RAPGEF6: variants seen among roughly 807,000 people sequenced by gnomAD.
RAPGEF6 encodes the protein PDZ domain containing guanine nucleotide exchange factor (GEF) 2.
In RAPGEF6, 56 loss-of-function variants were observed where a neutral mutation model predicts 171.4. That is an observed-to-expected ratio of 0.33 (90% confidence interval 0.26 to 0.41). RAPGEF6 has a LOEUF of 0.41. Ranked by LOEUF, RAPGEF6 falls within the 10% of genes least tolerant of loss-of-function variation. The pLI is 1.00. For missense variants in RAPGEF6, 1,674 were observed against 1,921.4 expected (o/e 0.87, Z 2.41); for synonymous variants, 692 against 650.1 (o/e 1.06, Z -0.98).
intron 15 of RAPGEF6, among the ~76,000 whole-genome samples, chr5:131,488,532 GCTTA>G (rs1445729199): frequency 1.3e-5 from 2 of 151,900 alleles, no homozygotes; most frequent in African/African-American, 2.4e-5. Context: ...AATTCTGAAG[GCTTA>G]CTTACTTATT....
intron 1 of RAPGEF6, among the ~76,000 whole-genome samples, chr5:131,622,402 A>G (rs541478512): frequency 3.0e-4 from 45 of 152,354 alleles, no homozygotes; most frequent in African/African-American, 1.0e-3. Flanking sequence ...TGTGAACTCT[A>G]TAACACTGTG....
chr5:131,524,017 T>C (rs984661835), intron 6 of RAPGEF6, among the ~76,000 whole-genome samples: 4 of 151,920 alleles, frequency 2.6e-5, no homozygotes, highest in African/African-American at 4.8e-5. Flanking sequence ...TTGAGTGATA[T>C]CTCCAAGAGC....
At position 131,446,785 on chromosome 5, in the gene RAPGEF6, C is replaced by T. The variant is rs948918976; in HGVS notation, c.3201-82G>A. The T allele has an allele frequency of 1.2e-5, 15 of 1,263,684 alleles. No homozygotes were observed. The African/African-American group carries it at 2.1e-4, about 18-fold the overall frequency. 78.3% of individuals were successfully genotyped at this position (1,263,684 alleles called of 1,614,324 possible). On this transcript the variant is annotated intron_variant, in intron 21 of 27. Transcript: ENST00000509018. ...AGATTGAAGATTAAAAGATTTTGTTCTGTTAATGCTATTGCATGCTGATGT... is the reference window on the plus strand; with the variant it reads ...AGATTGAAGATTAAAAGATTTTGTTTTGTTAATGCTATTGCATGCTGATGT...
intron 6 of RAPGEF6, 65 bp downstream of exon 6, chr5:131,547,982 G>A: frequency 6.5e-7 from 1 of 1,533,986 alleles, no homozygotes; most frequent in Non-Finnish European, 8.9e-7. Flanking sequence ...AAAGATACAT[G>A]TAAATTAAAG....
At chr5:131,630,261 G>A (rs1328230490) in intron 1 of RAPGEF6, among the ~76,000 whole-genome samples, 3 of 152,214 alleles carry the variant, frequency 2.0e-5, no homozygotes, top group Non-Finnish European at 2.9e-5. Context: ...AGGCTCAGAT[G>A]ACTGGTTAGT....
intron 4 of RAPGEF6, among the ~76,000 whole-genome samples, chr5:131,585,275 G>GA (rs5871429): frequency 0.72 from 101,992 of 141,458 alleles, 36,618 homozygotes; most frequent in Non-Finnish European, 0.77. Context: ...TAGAAAATAA[G>GA]AAAAAAAAAA....
At chr5:131,466,585 G>T (rs1286888116) in intron 17 of RAPGEF6, among the ~76,000 whole-genome samples, 1 of 152,128 alleles carries the variant, frequency 6.6e-6, no homozygotes, top group East Asian at 1.9e-4. Context: ...TAGTGAACAA[G>T]TCTCACGAGA....
chr5:131,509,469 G>C (rs974641168), intron 8 of RAPGEF6, among the ~76,000 whole-genome samples: 11 of 152,062 alleles, frequency 7.2e-5, no homozygotes, highest in Non-Finnish European at 1.0e-4. Flanking sequence ...CGTGAACCCG[G>C]GAGGCGGAGC....
At chr5:131,539,012 A>G (rs934955560) in intron 6 of RAPGEF6, among the ~76,000 whole-genome samples, 2 of 152,226 alleles carry the variant, frequency 1.3e-5, no homozygotes, top group Admixed American at 6.5e-5. Context: ...AGGTAGAAAG[A>G]ATCACAAAGA....
At chr5:131,455,399 C>A (rs939944183) in intron 20 of RAPGEF6, among the ~76,000 whole-genome samples, 2 of 152,170 alleles carry the variant, frequency 1.3e-5, no homozygotes, top group Non-Finnish European at 2.9e-5. Context: ...GCTGGAACTA[C>A]AGGCGGCCGC....
chr5:131,572,805 G>A (rs1204164034), intron 4 of RAPGEF6, among the ~76,000 whole-genome samples: 4 of 152,070 alleles, frequency 2.6e-5, no homozygotes. Context: ...ACTAACACCT[G>A]ACCTAAAACC....
chr5:131,572,865 G>C (rs1251120423), intron 4 of RAPGEF6, among the ~76,000 whole-genome samples: 1 of 151,962 alleles, frequency 6.6e-6, no homozygotes, highest in Non-Finnish European at 1.5e-5. Flanking sequence ...ATACAAACTC[G>C]ACAATAGTTC....
rs35691525 is a variant in RAPGEF6 at position 131,561,660 on chromosome 5, C to CA, written c.351+317dup. ...GGGCACCAAGAATGAAACTCTGTCT[C>CA]AAAAAAAAAAAAAAAAAAAAAAATC... On this transcript the variant is annotated intron_variant, in intron 5 of 27. Coordinates refer to ENST00000509018, the MANE Select transcript of RAPGEF6 (RefSeq NM_016340.6). Among the ~76,000 whole-genome samples, 806 of 90,682 alleles carry CA rather than the reference C, an allele frequency of 8.9e-3. 9 individuals are homozygous for CA. The highest frequency in any genetic ancestry group is 0.013 in the East Asian group (43 of 3,228). The allele number at this position is 90,682 out of a possible 152,430, so 59.5% of individuals were successfully genotyped here. A position where few individuals can be genotyped will look rare whatever the true frequency, so the allele number is the denominator to read the frequency against.
rs184589982 is a variant in RAPGEF6 at position 131,595,673 on chromosome 5, T to C, written c.198-3207A>G. Among the ~76,000 whole-genome samples, 211 of 151,356 alleles carry C rather than the reference T, an allele frequency of 1.4e-3. 1 individual carries two copies. The highest frequency in any genetic ancestry group is 0.012 in the Admixed American group (184 of 15,198). The stretch of plus-strand genomic sequence containing the variant: ...AAAGAAGGCTACAGAAAAAAAAATC[T>C]ATAAAACAACCAGAAAACCATTAAC... On this transcript the variant is annotated intron_variant, in intron 3 of 27. Transcript: ENST00000509018.
At chr5:131,564,452 C>T (rs1478867977) in intron 4 of RAPGEF6, among the ~76,000 whole-genome samples, 2 of 152,186 alleles carry the variant, frequency 1.3e-5, no homozygotes, top group Admixed American at 6.5e-5. Context: ...CACTAAAGTG[C>T]TGAACTTGCG....
At chr5:131,462,228 A>C in intron 18 of RAPGEF6, 140 bp from the exon 19 acceptor site, 1 of 802,508 alleles carries the variant, frequency 1.2e-6, no homozygotes, top group Non-Finnish European at 1.8e-6. Context: ...TAAAATGAAA[A>C]GTTAACATTT....
At chr5:131,439,440 C>G in intron 24 of RAPGEF6, 141 bp downstream of exon 24, 1 of 1,380,602 alleles carries the variant, frequency 7.2e-7, no homozygotes, top group Non-Finnish European at 9.5e-7. Context: ...TAATGCAATA[C>G]AAAACATCAA....
intron 1 of RAPGEF6, among the ~76,000 whole-genome samples, chr5:131,630,318 T>G (rs1766221795): frequency 6.6e-6 from 1 of 152,230 alleles, no homozygotes; most frequent in Non-Finnish European, 1.5e-5. Context: ...ATATCTTTTT[T>G]TAGACATAAG....
intron 3 of RAPGEF6, among the ~76,000 whole-genome samples, chr5:131,600,471 G>A (rs761537449): frequency 4.7e-5 from 7 of 150,236 alleles, no homozygotes; most frequent in Non-Finnish European, 7.4e-5. Flanking sequence ...GTAGTAAGCC[G>A]AGATCGCGCC....
Sources: gnomAD v4.1 joint callset for allele counts (sites outside exome capture counted in the v4.1 genomes callset) on GRCh38, gnomAD v4.1.1 for gene constraint, MANE v1.5 for transcripts, NCBI Gene and HGNC (gene_info 2026-07-23, HGNC 2026-07-21) for gene names.